Variants in SLC2A4 observed in about 807,000 individuals in gnomAD.
SLC2A4 encodes the protein solute carrier family 2, facilitated glucose transporter member 4.
A neutral mutation model predicts 53.3 loss-of-function variants in SLC2A4; 31 were observed. The observed-to-expected ratio is 0.58, with a 90% CI of 0.44 to 0.78. The LOEUF (loss-of-function observed/expected upper bound fraction) is 0.78. Among genes scored for constraint, SLC2A4 ranks in the 30% least tolerant of loss-of-function variants. SLC2A4 has a pLI of 0.00. For synonymous variants in SLC2A4, 276 were observed against 281.9 expected, an observed-to-expected ratio of 0.98 and a Z score of 0.21; for missense variants, 538 against 655.7, an observed-to-expected ratio of 0.82 and a Z score of 1.96.
rs756760817 is a variant in SLC2A4 at position 7,283,086 on chromosome 17, G to A, written c.34-159G>A. Reference sequence around the variant, plus strand: ...TTGCAGTTCAGCTCCTGTTTACATTGAGATCTTTGTGCAATTCCTAATATG... The same window carrying A: ...TTGCAGTTCAGCTCCTGTTTACATTAAGATCTTTGTGCAATTCCTAATATG... On this transcript the variant is annotated intron_variant, in intron 1 of 10. Transcript: ENST00000317370. The surrounding 1 kb of genome is among the most constrained non-coding windows in gnomAD (Gnocchi z 5.8). The A allele has an allele frequency of 4.0e-6, 3 of 757,960 alleles. No individual in the cohort carries two copies. The East Asian group carries it at 7.4e-5, about 19-fold the overall frequency. 47.0% of individuals were successfully genotyped at this position (757,960 alleles called of 1,614,324 possible). A position where few individuals can be genotyped will look rare whatever the true frequency, so the allele number is the denominator to read the frequency against.
Position 7,281,918 on chromosome 17 carries a change from A to T in SLC2A4, c.-17A>T. On this transcript the variant is annotated 5_prime_UTR_variant, in exon 1 of 11. Transcript: ENST00000317370. Reference sequence around the variant, plus strand: ...TCATCTTCGCCGCCCCTGCGCGTCCAGCTCTTCTAAGACGAGATGCCGTCG... The same window carrying T: ...TCATCTTCGCCGCCCCTGCGCGTCCTGCTCTTCTAAGACGAGATGCCGTCG... The T allele has an allele frequency of 6.3e-7, 1 of 1,589,768 alleles. No homozygotes were observed. The highest frequency in any genetic ancestry group is 8.6e-7 in the Non-Finnish European group (1 of 1,167,110).
chr17:7,283,036 A>G lies in SLC2A4; in HGVS notation c.34-209A>G. 2 of 619,152 alleles carry G rather than the reference A, an allele frequency of 3.2e-6. No individual in the cohort carries two copies. Among genetic ancestry groups the G allele is most frequent in the East Asian group, 2.9e-5 (1 of 34,502 alleles). 38.4% of individuals were successfully genotyped at this position (619,152 alleles called of 1,614,324 possible). Reference sequence around the variant, plus strand: ...ATTTCTCTGCCTTATGGACCCAAACATCCAGTTTCTCCTTTATGCCCAGGT... The same window carrying G: ...ATTTCTCTGCCTTATGGACCCAAACGTCCAGTTTCTCCTTTATGCCCAGGT... On this transcript the variant is annotated intron_variant, in intron 1 of 10. Transcript: ENST00000317370. The surrounding 1 kb of genome is among the most constrained non-coding windows in gnomAD (Gnocchi z 5.8).
rs2072408496 is a variant in SLC2A4 at position 7,282,234 on chromosome 17, G to A, written c.33+267G>A. 2 of 607,198 alleles carry A rather than the reference G, an allele frequency of 3.3e-6. No homozygotes were observed. Among genetic ancestry groups the A allele is most frequent in the African/African-American group, 3.6e-5 (2 of 55,208 alleles). The allele number at this position is 607,198 out of a possible 1,614,324, so 37.6% of individuals were successfully genotyped here. On this transcript the variant is annotated intron_variant, in intron 1 of 10. Transcript: ENST00000317370. The surrounding 1 kb of genome is among the most constrained non-coding windows in gnomAD (Gnocchi z 4.1). ...GGTTCACCCCCTTGCCTAGTAGGCG[G>A]CGCGGCGCTCCGGAATCGGGGACAC...
Position 7,282,046 on chromosome 17 carries a change from C to G in SLC2A4, c.33+79C>G. 1 of 1,231,344 alleles carries G rather than the reference C, an allele frequency of 8.1e-7. No homozygotes were observed. 76.3% of individuals were successfully genotyped at this position (1,231,344 alleles called of 1,614,324 possible). On this transcript the variant is annotated intron_variant, in intron 1 of 10. Transcript: ENST00000317370. This position sits in a 1 kb window ranked among gnomAD's most constrained non-coding sequence, Gnocchi z 4.1. ...GGGCTGGGGTCGCGGTTGGGGTCAG[C>G]TGGGGGTGGTTCCTGCGCAGGCGCA...
rs937293497 is a variant in SLC2A4 at position 7,282,622 on chromosome 17, G to T, written c.34-623G>T. Among the ~76,000 whole-genome samples, 1 of 152,220 alleles carries T rather than the reference G, an allele frequency of 6.6e-6. No individual in the cohort carries two copies. The highest frequency in any genetic ancestry group is 2.4e-5 in the African/African-American group (1 of 41,464). Reference sequence around the variant, plus strand: ...GCCCTCCCTGCACGGAGGTTAGAGGGGGAGGGCAGGCCACGACGTAGATAG... The same window carrying T: ...GCCCTCCCTGCACGGAGGTTAGAGGTGGAGGGCAGGCCACGACGTAGATAG... On this transcript the variant is annotated intron_variant, in intron 1 of 10. Coordinates refer to ENST00000317370, the MANE Select transcript of SLC2A4 (RefSeq NM_001042.3). This position sits in a 1 kb window ranked among gnomAD's most constrained non-coding sequence, Gnocchi z 4.1.
Position 7,285,751 on chromosome 17 carries a change from G to C in SLC2A4, c.1169G>C (p.Gly390Ala). ...MSYVSIVAIF[G>A]FVAFFEIGPG... is the part of the protein sequence containing the mutation. ...TACGTCTCCATTGTGGCCATCTTTG[G>C]CTTCGTGGCATTTTTTGAGATTGGC... is the stretch of plus-strand genomic sequence containing the variant. The change falls in exon 10 of 11, where the codon GGC (glycine) becomes GCC (alanine). Residue 390 changes from glycine to alanine, a missense_variant. By Grantham distance (60) the Gly-to-Ala change is moderately conservative. Coordinates refer to ENST00000317370, the MANE Select transcript of SLC2A4 (RefSeq NM_001042.3). The surrounding 1 kb of genome is among the most constrained non-coding windows in gnomAD (Gnocchi z 6.0). 6.2e-7 allele frequency: 1 copy of C among 1,614,232 alleles called. No individual in the cohort carries two copies. Among genetic ancestry groups the C allele is most frequent in the Non-Finnish European group, 8.5e-7 (1 of 1,180,052 alleles).
Position 7,285,823 on chromosome 17 carries a change from G to A in SLC2A4, c.1241G>A (p.Gly414Glu). The change falls in exon 10 of 11, where the codon GGA becomes GAA. Residue 414 changes from glycine to glutamate, a missense_variant. Transcript: ENST00000317370. The surrounding 1 kb of genome is among the most constrained non-coding windows in gnomAD (Gnocchi z 6.0). Reference protein sequence around the residue: ...WFIVAELFSQGPRPAAMAVAG... With the variant: ...WFIVAELFSQEPRPAAMAVAG... ...ATCGTGGCCGAGCTCTTCAGCCAGGGACCCCGCCCGGCAGCCATGGCTGTG... is the reference window on the plus strand; with the variant it reads ...ATCGTGGCCGAGCTCTTCAGCCAGGAACCCCGCCCGGCAGCCATGGCTGTG... 6.2e-7 allele frequency: 1 copy of A among 1,614,204 alleles called. No individual in the cohort carries two copies. Among genetic ancestry groups the A allele is most frequent in the East Asian group, 2.2e-5 (1 of 44,892 alleles).
Position 7,282,790 on chromosome 17 carries a change from T to C in SLC2A4, c.34-455T>C, listed in dbSNP as rs140222205. On this transcript the variant is annotated intron_variant, in intron 1 of 10. Transcript: ENST00000317370. The surrounding 1 kb of genome is among the most constrained non-coding windows in gnomAD (Gnocchi z 4.1). ...CTGATGATAATAATGCACGTGTTAA[T>C]TTATGAAACCAGCACTGTCAAGGAT... Among the ~76,000 whole-genome samples, 10 of 152,362 alleles carry C rather than the reference T, an allele frequency of 6.6e-5. No homozygotes were observed. In the East Asian group the frequency reaches 1.7e-3, roughly 26 times the overall value.
rs779974835 is a variant in SLC2A4, at chr17:7,284,965, C to T, written c.1020+26C>T. 1.5e-5 allele frequency: 24 copies of T among 1,611,082 alleles called. No homozygotes were observed. The highest frequency in any genetic ancestry group is 1.7e-5 in the Admixed American group (1 of 59,102). Reference sequence around the variant, plus strand: ...GTAACTGCTCACCTCTGGAATGGCCCGAGCCACTGGCTTCACCTCCCTGGG... The same window carrying T: ...GTAACTGCTCACCTCTGGAATGGCCTGAGCCACTGGCTTCACCTCCCTGGG... On this transcript the variant is annotated intron_variant, in intron 8 of 10. Transcript: ENST00000317370. This position sits in a 1 kb window ranked among gnomAD's most constrained non-coding sequence, Gnocchi z 7.5.
Position 7,284,709 on chromosome 17 carries a change from C to T in SLC2A4, c.915+37C>T, listed in dbSNP as rs1196399660. On this transcript the variant is annotated intron_variant, in intron 7 of 10. Transcript: ENST00000317370. This position sits in a 1 kb window ranked among gnomAD's most constrained non-coding sequence, Gnocchi z 7.5. Reference sequence around the variant, plus strand: ...GCAGCCTCCAGGCAGGGCACAGCCCCGGGAGGGTAGACGAGAGTGGGGAGC... The same window carrying T: ...GCAGCCTCCAGGCAGGGCACAGCCCTGGGAGGGTAGACGAGAGTGGGGAGC... 12 of 1,612,688 alleles carry T rather than the reference C, an allele frequency of 7.4e-6. No homozygotes were observed. The highest frequency in any genetic ancestry group is 1.0e-5 in the Non-Finnish European group (12 of 1,178,964).
chr17:7,283,122 C>T lies in SLC2A4; in HGVS notation c.34-123C>T, dbSNP rs1389864945. ...GCAATTCCTAATATGGCCCAGTTTC[C>T]CTCACCCAACATGTTGGGTGGAGCC... On this transcript the variant is annotated intron_variant, in intron 1 of 10. Transcript: ENST00000317370. The surrounding 1 kb of genome is among the most constrained non-coding windows in gnomAD (Gnocchi z 5.8). 2 of 820,378 alleles carry T rather than the reference C, an allele frequency of 2.4e-6. No individual in the cohort carries two copies. Among genetic ancestry groups the T allele is most frequent in the African/African-American group, 3.3e-5 (2 of 59,744 alleles). The allele number at this position is 820,378 out of a possible 1,614,324, so 50.8% of individuals were successfully genotyped here. A position where few individuals can be genotyped will look rare whatever the true frequency, so the allele number is the denominator to read the frequency against.
Position 7,283,789 on chromosome 17 carries a change from C to T in SLC2A4, c.375C>T (p.Leu125=), listed in dbSNP as rs201117558. ...TCCTGGCGGTGCTGGGGGGCAGCCT[C>T]ATGGGCCTGGCCAATGCTGCTGCCT... is the stretch of plus-strand genomic sequence containing the variant. ...NNVLAVLGGS[L]MGLANAAASY... Residue 125 remains leucine, a synonymous_variant, in exon 4 of 11, where the codon CTC becomes CTT. Transcript: ENST00000317370. The surrounding 1 kb of genome is among the most constrained non-coding windows in gnomAD (Gnocchi z 5.8). The T allele has an allele frequency of 1.2e-6, 2 of 1,614,106 alleles. No individual in the cohort carries two copies. Among genetic ancestry groups the T allele is most frequent in the East Asian group, 2.2e-5 (1 of 44,872 alleles).
chr17:7,286,642 G>C lies in SLC2A4; in HGVS notation c.*13G>C. On this transcript the variant is annotated 3_prime_UTR_variant, in exon 11 of 11. Transcript: ENST00000317370. Reference sequence around the variant, plus strand: ...TGAGAACGACTGAGGGGCCAGGCAGGGGTGGGAGAGCCAGCTCTCTCTACC... The same window carrying C: ...TGAGAACGACTGAGGGGCCAGGCAGCGGTGGGAGAGCCAGCTCTCTCTACC... 6.2e-7 allele frequency: 1 copy of C among 1,612,414 alleles called. No individual in the cohort carries two copies. Among genetic ancestry groups the C allele is most frequent in the Non-Finnish European group, 8.5e-7 (1 of 1,178,612 alleles).
chr17:7,283,202 T>C lies in SLC2A4; in HGVS notation c.34-43T>C. The C allele has an allele frequency of 3.9e-6, 6 of 1,535,456 alleles. No homozygotes were observed. The highest frequency in any genetic ancestry group is 5.4e-6 in the Non-Finnish European group (6 of 1,108,540). On this transcript the variant is annotated intron_variant, in intron 1 of 10. Transcript: ENST00000317370. The surrounding 1 kb of genome is among the most constrained non-coding windows in gnomAD (Gnocchi z 5.8). ...GCCCCTAGCGGAAGGAAAAAAATCA[T>C]GGTTCCATGTGACATGCTGTGTCTT...
chr17:7,283,770 C>T lies in SLC2A4; in HGVS notation c.356C>T (p.Ala119Val), dbSNP rs150043620. The T allele has an allele frequency of 6.6e-5, 107 of 1,614,018 alleles. No homozygotes were observed. Among genetic ancestry groups the T allele is most frequent in the South Asian group, 2.6e-4 (24 of 91,082 alleles). The change falls in exon 4 of 11, where the codon GCG (alanine) becomes GTG (valine). Residue 119 changes from alanine (A) to valine (V), a missense_variant. Coordinates refer to ENST00000317370, the MANE Select transcript of SLC2A4 (RefSeq NM_001042.3). The surrounding 1 kb of genome is among the most constrained non-coding windows in gnomAD (Gnocchi z 5.8). ...KRAMLVNNVL[A>V]VLGGSLMGLA... Reference sequence around the variant, plus strand: ...GCCATGCTGGTCAACAATGTCCTGGCGGTGCTGGGGGGCAGCCTCATGGGC... The same window carrying T: ...GCCATGCTGGTCAACAATGTCCTGGTGGTGCTGGGGGGCAGCCTCATGGGC...
chr17:7,283,131 A>G lies in SLC2A4; in HGVS notation c.34-114A>G, dbSNP rs1272478572. On this transcript the variant is annotated intron_variant, in intron 1 of 10. Transcript: ENST00000317370. The surrounding 1 kb of genome is among the most constrained non-coding windows in gnomAD (Gnocchi z 5.8). ...AATATGGCCCAGTTTCCCTCACCCA[A>G]CATGTTGGGTGGAGCCCAGTATCTT... 7 of 852,754 alleles carry G rather than the reference A, an allele frequency of 8.2e-6. No homozygotes were observed. Among genetic ancestry groups the G allele is most frequent in the African/African-American group, 1.7e-5 (1 of 60,334 alleles). 52.8% of individuals were successfully genotyped at this position (852,754 alleles called of 1,614,324 possible).
Position 7,282,816 on chromosome 17 carries a change from A to C in SLC2A4, c.34-429A>C. ...TTATGAAACCAGCACTGTCAAGGATATTGTTAACATGTGATGTTGATTTTC... is the reference window on the plus strand; with the variant it reads ...TTATGAAACCAGCACTGTCAAGGATCTTGTTAACATGTGATGTTGATTTTC... On this transcript the variant is annotated intron_variant, in intron 1 of 10. Coordinates refer to ENST00000317370, the MANE Select transcript of SLC2A4 (RefSeq NM_001042.3). This position sits in a 1 kb window ranked among gnomAD's most constrained non-coding sequence, Gnocchi z 4.1. The C allele has an allele frequency of 2.9e-6, 1 of 346,742 alleles. No individual in the cohort carries two copies. The highest frequency in any genetic ancestry group is 5.7e-6 in the Non-Finnish European group (1 of 176,076). The allele number at this position is 346,742 out of a possible 1,614,324, so 21.5% of individuals were successfully genotyped here.
Position 7,286,221 on chromosome 17 carries a change from C to T in SLC2A4, c.1327-205C>T, listed in dbSNP as rs575181337. Reference sequence around the variant, plus strand: ...CAGTAACTGAGGATGGTGAAGAGGGCGAAAACTAAGAGTGTTTGGGGTTCA... The same window carrying T: ...CAGTAACTGAGGATGGTGAAGAGGGTGAAAACTAAGAGTGTTTGGGGTTCA... On this transcript the variant is annotated intron_variant, in intron 10 of 10. Coordinates refer to ENST00000317370, the MANE Select transcript of SLC2A4 (RefSeq NM_001042.3). 2.5e-4 allele frequency: 167 copies of T among 678,520 alleles called. 2 individuals carry two copies. Among genetic ancestry groups the T allele is most frequent in the South Asian group, 2.4e-3 (143 of 58,674 alleles). The allele number at this position is 678,520 out of a possible 1,614,324, so 42.0% of individuals were successfully genotyped here. A position where few individuals can be genotyped will look rare whatever the true frequency, so the allele number is the denominator to read the frequency against.
At chr17:7,286,237 T>C (rs1165043360) in intron 10 of SLC2A4, 189 bp from the exon 11 acceptor site, 2 of 714,598 alleles carry the variant, frequency 2.8e-6, no homozygotes, top group East Asian at 2.5e-5. Flanking sequence ...CTAAGAGTGT[T>C]TGGGGTTCAG....
Sources: allele counts gnomAD v4.1 joint callset (sites outside exome capture counted in the v4.1 genomes callset), GRCh38; gene constraint gnomAD v4.1.1; non-coding constraint Gnocchi (gnomAD v3.1); transcripts MANE v1.5; gene names NCBI Gene and HGNC (gene_info 2026-07-23, HGNC 2026-07-21).